DNM1L: variants seen among roughly 807,000 people sequenced by gnomAD.
DNM1L encodes the protein dynamin-1-like protein.
Under a neutral mutation model 92.8 loss-of-function variants are expected in DNM1L, and 33 were observed. The ratio of observed to expected loss-of-function variants is 0.36; its 90% CI spans 0.27 to 0.48. DNM1L has a LOEUF of 0.48. Ranked by LOEUF, DNM1L falls within the 20% of genes least tolerant of loss-of-function variation. The pLI, the probability that DNM1L is intolerant of heterozygous loss-of-function variation, is 0.99. For synonymous variants in DNM1L, 284 were observed against 305.0 expected (o/e 0.93, Z 0.72); for missense variants, 485 against 888.8 (o/e 0.55, Z 5.78).
Position 32,713,057 on chromosome 12 carries a change from T to A in DNM1L, c.457-152T>A, listed in dbSNP as rs1953201998. The A allele has an allele frequency of 4.1e-6, 3 of 730,240 alleles. No homozygotes were observed. The South Asian group carries it at 6.2e-5, about 15-fold the overall frequency. 45.2% of individuals were successfully genotyped at this position (730,240 alleles called of 1,614,324 possible). On this transcript the variant is annotated intron_variant, in intron 5 of 19. Coordinates refer to ENST00000549701, the MANE Select transcript of DNM1L (RefSeq NM_012062.5). ...TTTGAGACTTGACACATTACCAGATTCATAAATACCATTGTAGTATATTAG... is the reference window on the plus strand; with the variant it reads ...TTTGAGACTTGACACATTACCAGATACATAAATACCATTGTAGTATATTAG...
intron 1 of DNM1L, among the ~76,000 whole-genome samples, chr12:32,687,152 CT>C (rs553352275): frequency 2.0e-5 from 3 of 148,088 alleles, no homozygotes; most frequent in Non-Finnish European, 4.5e-5. Context: ...GCTAATTTAT[CT>C]TTTTTTTTCC....
In DNM1L at chr12:32,705,715, A is replaced by C; in HGVS notation, c.251-1652A>C. On this transcript the variant is annotated intron_variant, in intron 2 of 19. Transcript: ENST00000549701. ...AGTAAATTTTGAATAATTGAATGCTATGTGCATTTGAAATGTGATCAGGTT... is the reference window on the plus strand; with the variant it reads ...AGTAAATTTTGAATAATTGAATGCTCTGTGCATTTGAAATGTGATCAGGTT... 4 of 964,392 alleles carry C rather than the reference A, an allele frequency of 4.1e-6. No homozygotes were observed. The South Asian group carries it at 6.0e-5, about 14-fold the overall frequency. The allele number at this position is 964,392 out of a possible 1,614,324, so 59.7% of individuals were successfully genotyped here.
chr12:32,744,798 T>C lies in DNM1L; in HGVS notation c.*1388T>C. On this transcript the variant is annotated 3_prime_UTR_variant, in exon 20 of 20. Transcript: ENST00000549701. Reference sequence around the variant, plus strand: ...CTAAGCTGCATTTATGGGGTAGTGATGAGGTTTAGAACATATACATATTTT... The same window carrying C: ...CTAAGCTGCATTTATGGGGTAGTGACGAGGTTTAGAACATATACATATTTT... 2.2e-6 allele frequency: 1 copy of C among 457,014 alleles called. No homozygotes were observed. The highest frequency in any genetic ancestry group is 1.6e-5 in the South Asian group (1 of 63,256). 28.3% of individuals were successfully genotyped at this position (457,014 alleles called of 1,614,324 possible).
At chr12:32,718,520 A>G in intron 6 of DNM1L, 123 bp from the exon 7 acceptor site, 1 of 1,207,374 alleles carries the variant, frequency 8.3e-7, no homozygotes, top group Non-Finnish European at 1.2e-6. Flanking sequence ...TACCAAAATG[A>G]TGACAGAGGT....
At position 32,707,331 on chromosome 12, in the gene DNM1L, C is replaced by T. The variant is rs200798226; in HGVS notation, c.251-36C>T. ...ATTCCTAAAGATAAAAAGTAGTTTCCATAGTTTCCAATAAATGAGTTTTTC... is the reference window on the plus strand; with the variant it reads ...ATTCCTAAAGATAAAAAGTAGTTTCTATAGTTTCCAATAAATGAGTTTTTC... On this transcript the variant is annotated intron_variant, in intron 2 of 19. Coordinates refer to ENST00000549701, the MANE Select transcript of DNM1L (RefSeq NM_012062.5). 498 of 1,558,720 alleles carry T rather than the reference C, an allele frequency of 3.2e-4. 1 individual carries two copies. Among genetic ancestry groups the T allele is most frequent in the Admixed American group, 2.3e-3 (132 of 57,178 alleles).
intron 1 of DNM1L, among the ~76,000 whole-genome samples, chr12:32,688,749 A>G (rs1157571227): frequency 6.6e-6 from 1 of 152,222 alleles, no homozygotes; most frequent in East Asian, 1.9e-4. Context: ...TTCACAGACG[A>G]TAATTCTGCC....
rs186393504 is a variant in DNM1L, at chr12:32,740,384, T to G, written c.1885-25T>G. 6.2e-7 allele frequency: 1 copy of G among 1,610,992 alleles called. No individual in the cohort carries two copies. The highest frequency in any genetic ancestry group is 2.2e-5 in the East Asian group (1 of 44,852). On this transcript the variant is annotated intron_variant, in intron 17 of 19. Coordinates refer to ENST00000549701, the MANE Select transcript of DNM1L (RefSeq NM_012062.5). Reference sequence around the variant, plus strand: ...CCATTTTAGTGTCACAAAAGTAATATTTTTTCCCCCTCATCCCTATTTAGC... The same window carrying G: ...CCATTTTAGTGTCACAAAAGTAATAGTTTTTCCCCCTCATCCCTATTTAGC...
At chr12:32,723,421 G>A (rs1450126437) in intron 9 of DNM1L, among the ~76,000 whole-genome samples, 2 of 152,152 alleles carry the variant, frequency 1.3e-5, no homozygotes, top group Admixed American at 1.3e-4. Context: ...TTCTGGCCAG[G>A]CACAGTGGCT....
chr12:32,688,960 G>A (rs1952128036), intron 1 of DNM1L, among the ~76,000 whole-genome samples: 1 of 152,162 alleles, frequency 6.6e-6, no homozygotes, highest in Admixed American at 6.5e-5. Context: ...TTACTTGGGA[G>A]ACCTGGTGGC....
At chr12:32,708,396 T>C (rs1953005265) in intron 4 of DNM1L, among the ~76,000 whole-genome samples, 172 bp downstream of exon 4, 1 of 152,210 alleles carries the variant, frequency 6.6e-6, no homozygotes, top group African/African-American at 2.4e-5. Flanking sequence ...AATGGAGTAT[T>C]TTCACAGATA....
intron 1 of DNM1L, among the ~76,000 whole-genome samples, chr12:32,683,063 T>A (rs751313704): frequency 2.6e-5 from 4 of 152,144 alleles, no homozygotes; most frequent in Non-Finnish European, 5.9e-5. Flanking sequence ...AGGTATGTAA[T>A]CTAAACTACC....
chr12:32,711,371 G>T, intron 5 of DNM1L: 4 of 248,766 alleles, frequency 1.6e-5, no homozygotes, highest in South Asian at 5.3e-5. Flanking sequence ...ACTACGTAAG[G>T]CTCTGTATAT....
intron 1 of DNM1L, chr12:32,692,379 C>T (rs1952267248): frequency 1.3e-5 from 2 of 152,156 alleles, no homozygotes; most frequent in African/African-American, 2.4e-5. Context: ...AAGAGTCAGT[C>T]ACCATGAGTA....
chr12:32,735,674 A>G (rs2137551489), intron 13 of DNM1L, among the ~76,000 whole-genome samples: 1 of 152,202 alleles, frequency 6.6e-6, no homozygotes, highest in East Asian at 1.9e-4. Flanking sequence ...TGAGGTCAGG[A>G]GTTCAAGTCT....
chr12:32,724,587 A>ATATATATAT (rs1555123371), intron 9 of DNM1L, among the ~76,000 whole-genome samples: 7 of 72,022 alleles, frequency 9.7e-5, no homozygotes, highest in Non-Finnish European at 2.5e-4. Context: ...AAAAAAAAAA[A>ATATATATAT]AAAAAAATAT....
At chr12:32,734,818 AC>A (rs1015302554) in intron 13 of DNM1L, among the ~76,000 whole-genome samples, 87 of 152,226 alleles carry the variant, frequency 5.7e-4, no homozygotes, top group African/African-American at 2.0e-3. Flanking sequence ...TTAAAAAAAA[AC>A]TGGGGAGCTT....
At position 32,682,228 on chromosome 12, in the gene DNM1L, C is replaced by T. The variant is rs193171531; in HGVS notation, c.102+2763C>T. Among the ~76,000 whole-genome samples, 84 of 152,080 alleles carry T rather than the reference C, an allele frequency of 5.5e-4. 1 individual carries two copies. The highest frequency in any genetic ancestry group is 2.0e-3 in the African/African-American group (83 of 41,482). ...GTTCACTGCAACCTCTGCCTCCCGG[C>T]TTCAAGTGATTCTCCTGCCTCAGCC... On this transcript the variant is annotated intron_variant, in intron 1 of 19. Coordinates refer to ENST00000549701, the MANE Select transcript of DNM1L (RefSeq NM_012062.5).
chr12:32,712,765 T>C (rs1053837066), intron 5 of DNM1L, among the ~76,000 whole-genome samples: 1 of 152,060 alleles, frequency 6.6e-6, no homozygotes. Flanking sequence ...ACTATATATA[T>C]GTTTTTGTTT....
intron 1 of DNM1L, among the ~76,000 whole-genome samples, chr12:32,689,192 C>CTATTT (rs57074019): frequency 0.15 from 23,217 of 151,812 alleles, 1,874 homozygotes; most frequent in Middle Eastern, 0.21. Context: ...TGTAGTTTAG[C>CTATTT]TATTTTATTT....
Sources: gnomAD v4.1 joint callset for allele counts (sites outside exome capture counted in the v4.1 genomes callset) on GRCh38, gnomAD v4.1.1 for gene constraint, MANE v1.5 for transcripts, NCBI Gene and HGNC (gene_info 2026-07-23, HGNC 2026-07-21) for gene names.